PHACTR3: variants seen among roughly 807,000 people sequenced by gnomAD.
The protein encoded by PHACTR3 is phosphatase and actin regulator 3, also known as protein phosphatase 1, regulatory subunit 123.
Under a neutral mutation model 66.8 loss-of-function variants are expected in PHACTR3, and 16 were observed. The ratio of observed to expected loss-of-function variants is 0.24; its 90% CI spans 0.16 to 0.36. The LOEUF (loss-of-function observed/expected upper bound fraction) is 0.36. PHACTR3 is among the 10% of genes least tolerant of loss of function. The pLI is 1.00. For synonymous variants in PHACTR3, 323 were observed against 292.1 expected (o/e 1.11, Z -1.08); for missense variants, 647 against 719.9 (o/e 0.90, Z 1.16).
At chr20:59,597,364 A>G (rs2033355556) in intron 1 of PHACTR3, among the ~76,000 whole-genome samples, 1 of 152,100 alleles carries the variant, frequency 6.6e-6, no homozygotes. Context: ...TATCATCATC[A>G]TCAAGTCAGT....
intron 7 of PHACTR3, among the ~76,000 whole-genome samples, chr20:59,784,001 G>A (rs1436526074): frequency 2.0e-5 from 3 of 152,206 alleles, no homozygotes; most frequent in Non-Finnish European, 4.4e-5. Flanking sequence ...TGTCCTCTTG[G>A]CTGAGCTGTT....
chr20:59,755,802 A>T (rs2039771069), intron 4 of PHACTR3, among the ~76,000 whole-genome samples: 1 of 152,100 alleles, frequency 6.6e-6, no homozygotes, highest in Non-Finnish European at 1.5e-5. Flanking sequence ...TTGGCCTAAG[A>T]GATGCTGAAG....
chr20:59,613,657 A>G (rs1279550594), intron 1 of PHACTR3, among the ~76,000 whole-genome samples: 2 of 152,236 alleles, frequency 1.3e-5, no homozygotes, highest in Non-Finnish European at 2.9e-5. Flanking sequence ...CTGCCATATC[A>G]ACTTTATAAA....
chr20:59,620,843 C>T (rs927829744), intron 1 of PHACTR3, among the ~76,000 whole-genome samples: 3 of 152,178 alleles, frequency 2.0e-5, no homozygotes, highest in Non-Finnish European at 2.9e-5. Context: ...GGCTGTCTTT[C>T]CGTCATTTCT....
At chr20:59,836,625 T>C (rs181949233) in intron 9 of PHACTR3, 65 bp downstream of exon 9, 1 of 1,513,952 alleles carries the variant, frequency 6.6e-7, no homozygotes, top group African/African-American at 1.4e-5. Flanking sequence ...GCACAAATCC[T>C]GAGTTCCCAT....
At chr20:59,758,174 C>T (rs1307002518) in intron 4 of PHACTR3, among the ~76,000 whole-genome samples, 1 of 152,156 alleles carries the variant, frequency 6.6e-6, no homozygotes, top group African/African-American at 2.4e-5. Context: ...TCCCAGCTTC[C>T]CCAGTGTGGG....
chr20:59,787,194 A>C (rs2040944111), intron 7 of PHACTR3, among the ~76,000 whole-genome samples: 1 of 152,218 alleles, frequency 6.6e-6, no homozygotes, highest in African/African-American at 2.4e-5. Flanking sequence ...CCTGCTGTGA[A>C]GAGTTGATGT....
At position 59,824,009 on chromosome 20, in the gene PHACTR3, C is replaced by T. The variant is rs373545288; in HGVS notation, c.1329-12496C>T. ...CAACAGGGAGGCCACGAAGTCAGCA[C>T]GGGATGCCCAGCATGGCTGGAGCCA... On this transcript the variant is annotated intron_variant, in intron 8 of 12. Coordinates refer to ENST00000371015, the MANE Select transcript of PHACTR3 (RefSeq NM_080672.5). 1.1e-4 allele frequency among the ~76,000 whole-genome samples: 17 copies of T among 152,358 alleles called. No individual in the cohort carries two copies. The South Asian group carries it at 1.4e-3, about 13-fold the overall frequency.
chr20:59,701,499 A>G (rs2037503390), intron 1 of PHACTR3, among the ~76,000 whole-genome samples: 1 of 152,256 alleles, frequency 6.6e-6, no homozygotes, highest in African/African-American at 2.4e-5. Context: ...GATAGGCTCC[A>G]GTAAGATGGG....
chr20:59,824,769 C>T (rs976857680), intron 8 of PHACTR3, among the ~76,000 whole-genome samples: 1 of 152,184 alleles, frequency 6.6e-6, no homozygotes, highest in Non-Finnish European at 1.5e-5. Flanking sequence ...TGATTGACAG[C>T]CCCACCAGTG....
At chr20:59,637,674 C>T (rs2034942581) in intron 1 of PHACTR3, among the ~76,000 whole-genome samples, 1 of 146,154 alleles carries the variant, frequency 6.8e-6, no homozygotes, top group Non-Finnish European at 1.5e-5. Flanking sequence ...AACCAACATG[C>T]TAGAATAAAG....
chr20:59,676,824 C>G (rs1007990453), intron 1 of PHACTR3: 39 of 803,578 alleles, frequency 4.9e-5, no homozygotes, highest in Non-Finnish European at 5.9e-5. Context: ...GCTTAGGGAG[C>G]AGGCTTCTTA....
At chr20:59,806,356 G>A (rs1417602345) in intron 8 of PHACTR3, among the ~76,000 whole-genome samples, 162 bp downstream of exon 8, 1 of 152,186 alleles carries the variant, frequency 6.6e-6, no homozygotes, top group Non-Finnish European at 1.5e-5. Context: ...GCCGTGTGGA[G>A]GCCCTTTCCT....
At chr20:59,794,404 A>C (rs1225569549) in intron 7 of PHACTR3, among the ~76,000 whole-genome samples, 1 of 152,104 alleles carries the variant, frequency 6.6e-6, no homozygotes, top group Non-Finnish European at 1.5e-5. Context: ...CCACCTGATC[A>C]TGTTGAAGGA....
At chr20:59,724,933 T>C (rs2038504039) in intron 1 of PHACTR3, among the ~76,000 whole-genome samples, 2 of 150,338 alleles carry the variant, frequency 1.3e-5, no homozygotes, top group South Asian at 4.2e-4. Context: ...GTAAGCTGTG[T>C]GCTCAGGAAG....
chr20:59,742,770 T>C (rs1396754500), intron 1 of PHACTR3, among the ~76,000 whole-genome samples: 2 of 152,060 alleles, frequency 1.3e-5, no homozygotes, highest in African/African-American at 4.8e-5. Context: ...GAGAGCAGCG[T>C]GGGTGGAGGG....
intron 7 of PHACTR3, among the ~76,000 whole-genome samples, chr20:59,790,562 AATG>A (rs1248327614): frequency 6.6e-6 from 1 of 152,238 alleles, no homozygotes; most frequent in Non-Finnish European, 1.5e-5. Context: ...TGGACCAATA[AATG>A]ATGGGATTAT....
rs979621201 is a variant in PHACTR3 at position 59,604,861 on chromosome 20, C to T, written c.-154C>T. 2.7e-6 allele frequency: 3 copies of T among 1,130,546 alleles called. No homozygotes were observed. The highest frequency in any genetic ancestry group is 4.5e-5 in the Admixed American group (1 of 22,270). 70.0% of individuals were successfully genotyped at this position (1,130,546 alleles called of 1,614,324 possible). On this transcript the variant is annotated 5_prime_UTR_variant, in exon 1 of 13. Transcript: ENST00000371015. ...CCAGCCCCGGCGTCTTTCTCCAGCT[C>T]GTTTCCTTTCCCGGCCTTTTTTTTT...
intron 1 of PHACTR3, among the ~76,000 whole-genome samples, chr20:59,605,932 C>T (rs947236588): frequency 6.6e-6 from 1 of 151,916 alleles, no homozygotes; most frequent in Non-Finnish European, 1.5e-5. Flanking sequence ...AAACCTCTCT[C>T]CACCAGAAGG....
Sources: gnomAD v4.1 joint callset for allele counts (sites outside exome capture counted in the v4.1 genomes callset) on GRCh38, gnomAD v4.1.1 for gene constraint, MANE v1.5 for transcripts, NCBI Gene and HGNC (gene_info 2026-07-23, HGNC 2026-07-21) for gene names.